Variants in CACNA1E observed in about 807,000 individuals in gnomAD.
CACNA1E encodes voltage-dependent R-type calcium channel subunit alpha-1E.
CACNA1E carries 40 observed loss-of-function variants against 259.2 expected under a neutral mutation model. The ratio of observed to expected loss-of-function variants is 0.15; its 90% CI spans 0.12 to 0.20. The LOEUF is 0.20. CACNA1E is among the 10% of genes least tolerant of loss of function. The pLI is 1.00. For synonymous variants in CACNA1E, 1,104 were observed against 1,138.5 expected (o/e 0.97, Z 0.61); for missense variants, 1,874 against 3,040.1 (o/e 0.62, Z 9.02).
chr1:181,384,962 A>T (rs1228579820), intron 1 of CACNA1E, among the ~76,000 whole-genome samples: 2 of 152,172 alleles, frequency 1.3e-5, no homozygotes, highest in Non-Finnish European at 2.9e-5. Context: ...TTAAGCCCAT[A>T]CCTGCTATCA....
intron 2 of CACNA1E, among the ~76,000 whole-genome samples, chr1:181,431,794 A>C (rs774340021): frequency 6.6e-6 from 1 of 151,952 alleles, no homozygotes; most frequent in Non-Finnish European, 1.5e-5. Flanking sequence ...TTCTCCTAAA[A>C]CCCTTTCATT....
intron 2 of CACNA1E, among the ~76,000 whole-genome samples, chr1:181,442,240 A>AAGGG (rs1553251976): frequency 7.0e-6 from 1 of 142,174 alleles, no homozygotes; most frequent in Non-Finnish European, 1.5e-5. Context: ...AGTATGAGGG[A>AAGGG]CACAGGTGTG....
chr1:181,647,951 G>A (rs1572483416), intron 6 of CACNA1E, among the ~76,000 whole-genome samples: 1 of 152,190 alleles, frequency 6.6e-6, no homozygotes, highest in Non-Finnish European at 1.5e-5. Flanking sequence ...TACAGGAGCT[G>A]TCAAGCTGCT....
At chr1:181,406,394 CTTTCTTTTT>C (rs908376600) in intron 1 of CACNA1E, among the ~76,000 whole-genome samples, 2 of 151,792 alleles carry the variant, frequency 1.3e-5, no homozygotes, top group Non-Finnish European at 2.9e-5. Flanking sequence ...ATGTATCTAC[CTTTCTTTTT>C]TTTCTTTTTT....
intron 1 of CACNA1E, among the ~76,000 whole-genome samples, chr1:181,397,254 C>T (rs981404575): frequency 4.6e-5 from 7 of 152,198 alleles, no homozygotes; most frequent in Non-Finnish European, 1.0e-4. Context: ...TCTATTACTA[C>T]GTCTCACCAC....
chr1:181,439,395 A>C (rs1368003993), intron 2 of CACNA1E, among the ~76,000 whole-genome samples: 1 of 150,262 alleles, frequency 6.7e-6, no homozygotes, highest in African/African-American at 2.5e-5. Context: ...TGAGTAGGCC[A>C]TGACTTTGTC....
At chr1:181,702,263 T>G (rs190608039) in intron 7 of CACNA1E, among the ~76,000 whole-genome samples, 34 of 152,150 alleles carry the variant, frequency 2.2e-4, no homozygotes, top group African/African-American at 7.0e-4. Context: ...TCTCTTACAC[T>G]CCTCGTCCAC....
At chr1:181,559,609 T>C (rs949739601) in intron 3 of CACNA1E, among the ~76,000 whole-genome samples, 2 of 152,218 alleles carry the variant, frequency 1.3e-5, no homozygotes, top group Admixed American at 1.3e-4. Context: ...AGAGTTATTA[T>C]AAAGTGCTGC....
chr1:181,732,356 C>T lies in CACNA1E; in HGVS notation c.2298-28C>T, dbSNP rs1471155263. On this transcript the variant is annotated intron_variant, in intron 19 of 47. Coordinates refer to ENST00000367573, the MANE Select transcript of CACNA1E (RefSeq NM_001205293.3). The surrounding 1 kb of genome is among the most constrained non-coding windows in gnomAD (Gnocchi z 5.5). ...CCTGCCTGCAGCTTCTGGGCTCTGA[C>T]CGCGGCCCTGCCCTTTCCCCTTGGC... 1 of 1,482,332 alleles carries T rather than the reference C, an allele frequency of 6.7e-7. No homozygotes were observed. The highest frequency in any genetic ancestry group is 1.4e-5 in the South Asian group (1 of 71,350). 91.8% of individuals were successfully genotyped at this position (1,482,332 alleles called of 1,614,324 possible). A position where few individuals can be genotyped will look rare whatever the true frequency, so the allele number is the denominator to read the frequency against.
intron 25 of CACNA1E, among the ~76,000 whole-genome samples, chr1:181,749,567 T>C (rs1657405650): frequency 6.6e-6 from 1 of 152,368 alleles, no homozygotes; most frequent in South Asian, 2.1e-4. Context: ...TCAACCTCTC[T>C]GAATCTCTTC....
intron 3 of CACNA1E, among the ~76,000 whole-genome samples, chr1:181,538,547 T>G (rs528173578): frequency 6.6e-6 from 1 of 152,192 alleles, no homozygotes; most frequent in Non-Finnish European, 1.5e-5. Context: ...TGTGCCTTCC[T>G]GGGACCCATA....
At chr1:181,482,200 CG>C (rs2102458055), upstream of CACNA1E, among the ~76,000 whole-genome samples, 2 of 152,350 alleles carry the variant, frequency 1.3e-5, no homozygotes, top group South Asian at 4.1e-4. Context: ...CTGGGAGGTG[CG>C]GAGGAGCGGC....
chr1:181,455,097 A>G (rs1661378052), intron 2 of CACNA1E, among the ~76,000 whole-genome samples: 1 of 152,208 alleles, frequency 6.6e-6, no homozygotes, highest in Non-Finnish European at 1.5e-5. Context: ...ATATCCTTCC[A>G]ACATTTTAGT....
intron 3 of CACNA1E, among the ~76,000 whole-genome samples, chr1:181,546,240 A>G (rs1647456039): frequency 6.6e-6 from 1 of 152,084 alleles, no homozygotes. Context: ...GGAAGAGAGG[A>G]CTGTGGTCTG....
intron 38 of CACNA1E, among the ~76,000 whole-genome samples, chr1:181,781,003 C>T (rs1038994683): frequency 6.6e-6 from 1 of 152,178 alleles, no homozygotes; most frequent in African/African-American, 2.4e-5. Flanking sequence ...ACCACTCACA[C>T]ACAGCCCTGG....
intron 6 of CACNA1E, among the ~76,000 whole-genome samples, chr1:181,640,508 G>T (rs986116696): frequency 3.9e-5 from 6 of 152,244 alleles, no homozygotes; most frequent in African/African-American, 1.4e-4. Context: ...GGAAACCAGT[G>T]GGGCTAACCA....
chr1:181,781,965 G>A (rs2738889), intron 39 of CACNA1E, among the ~76,000 whole-genome samples: 55,758 of 152,092 alleles, frequency 0.37, 11,714 homozygotes, highest in Non-Finnish European at 0.47. Flanking sequence ...TCCTTTAAAC[G>A]TGGAATTGTT....
chr1:181,595,014 C>G (rs1424283823), intron 6 of CACNA1E, among the ~76,000 whole-genome samples: 1 of 152,168 alleles, frequency 6.6e-6, no homozygotes, highest in Non-Finnish European at 1.5e-5. Context: ...CAGATACAGT[C>G]AATGGTATCC....
At chr1:181,459,625 C>T (rs12066616) in intron 2 of CACNA1E, among the ~76,000 whole-genome samples, 62,382 of 152,146 alleles carry the variant, frequency 0.41, 14,460 homozygotes, top group African/African-American at 0.65. Flanking sequence ...ACCTGCACCA[C>T]GTCACAGCCT....
Sources: allele counts gnomAD v4.1 joint callset (sites outside exome capture counted in the v4.1 genomes callset), GRCh38; gene constraint gnomAD v4.1.1; non-coding constraint Gnocchi (gnomAD v3.1); transcripts MANE v1.5; gene names NCBI Gene and HGNC (gene_info 2026-07-23, HGNC 2026-07-21).